ZNF75D: variants seen among roughly 807,000 people sequenced by gnomAD.
The protein encoded by ZNF75D is zinc finger protein 75.
A neutral mutation model predicts 33.3 loss-of-function variants in ZNF75D; 33 were observed. That is an observed-to-expected ratio of 0.99 (90% CI 0.75 to 1.32). ZNF75D has a LOEUF of 1.32. ZNF75D is among the 40% of genes most tolerant of loss of function. The pLI, the probability that ZNF75D is intolerant of heterozygous loss-of-function variation, is 0.00. For missense variants in ZNF75D, 338 were observed against 367.5 expected (o/e 0.92, Z 0.66); for synonymous variants, 113 against 130.6 (o/e 0.87, Z 0.92).
chrX:135,269,362 A>T (rs782414023), intron 1 of ZNF75D, among the ~76,000 whole-genome samples: 1 of 112,499 alleles, frequency 8.9e-6, no homozygotes, highest in Admixed American at 9.4e-5. Context: ...CTGGCAAAGG[A>T]TGAATTAACC....
intron 1 of ZNF75D, among the ~76,000 whole-genome samples, chrX:135,308,182 C>A (rs2084312144): frequency 8.9e-6 from 1 of 112,243 alleles, no homozygotes; most frequent in African/African-American, 3.2e-5. Flanking sequence ...AGACTGTTGG[C>A]ATTACGTTCT....
chrX:135,321,640 G>C (rs1055736545), intron 1 of ZNF75D, among the ~76,000 whole-genome samples: 1 of 112,153 alleles, frequency 8.9e-6, no homozygotes, highest in Non-Finnish European at 1.9e-5. Context: ...GTCAGATTTG[G>C]GGAATGAGAT....
At chrX:135,302,432 G>A (rs1187167734) in intron 1 of ZNF75D, among the ~76,000 whole-genome samples, 1 of 112,125 alleles carries the variant, frequency 8.9e-6, no homozygotes, top group African/African-American at 3.2e-5. Flanking sequence ...AGCTGCAATT[G>A]TTTCAATATT....
chrX:135,259,763 T>C (rs1489332443), intron 1 of ZNF75D, among the ~76,000 whole-genome samples: 2 of 111,970 alleles, frequency 1.8e-5, no homozygotes, highest in African/African-American at 6.5e-5. Context: ...ACTTCCTCAT[T>C]TCCTAATTGA....
intron 1 of ZNF75D, among the ~76,000 whole-genome samples, chrX:135,259,497 A>G (rs1323166956): frequency 9.0e-6 from 1 of 111,424 alleles, no homozygotes; most frequent in Non-Finnish European, 1.9e-5. Flanking sequence ...GTTCTCCTTG[A>G]AGAGGTCCTT....
At chrX:135,320,903 G>T (rs1222794918) in intron 1 of ZNF75D, among the ~76,000 whole-genome samples, 1 of 111,256 alleles carries the variant, frequency 9.0e-6, no homozygotes, top group African/African-American at 3.3e-5. Context: ...AGTTGCTACA[G>T]AGGAAAGAAA....
At chrX:135,325,911 G>A (rs2084565322) in intron 1 of ZNF75D, among the ~76,000 whole-genome samples, 1 of 112,952 alleles carries the variant, frequency 8.9e-6, no homozygotes, top group Non-Finnish European at 1.9e-5. Flanking sequence ...GAAACCAGCT[G>A]GGCTCCTGAG....
chrX:135,270,352 C>CATATATATATATATATAT (rs530211370), intron 1 of ZNF75D, among the ~76,000 whole-genome samples: 3 of 63,504 alleles, frequency 4.7e-5, no homozygotes, highest in Non-Finnish European at 6.2e-5. Context: ...CAAAATATCT[C>CATATATATATATATATAT]ATATATATAT....
At chrX:135,336,827 G>A (rs1488247589) in intron 1 of ZNF75D, among the ~76,000 whole-genome samples, 2 of 112,198 alleles carry the variant, frequency 1.8e-5, no homozygotes, top group Non-Finnish European at 3.8e-5. Flanking sequence ...CTTTGTTCGG[G>A]GATCCCTTGA....
In ZNF75D at chrX:135,342,718, G is replaced by T. The variant is rs1304592519; in HGVS notation, c.-1341C>A. On this transcript the variant is annotated 5_prime_UTR_variant, in exon 1 of 7. Coordinates refer to ENST00000370766, the MANE Select transcript of ZNF75D (RefSeq NM_007131.5). ...CCATCTCTGCAGAGGAGACCAGACT[G>T]CTGCCCCTAACCTAACAGCAGCTCA... The T allele has an allele frequency of 2.7e-5, 3 of 112,117 alleles. No homozygotes were observed. The highest frequency in any genetic ancestry group is 9.7e-5 in the African/African-American group (3 of 30,777). The allele number at this position is 112,117 out of a possible 1,213,427, so 9.2% of individuals were successfully genotyped here.
chrX:135,263,264 C>G (rs1318772485), intron 1 of ZNF75D, among the ~76,000 whole-genome samples: 1 of 113,026 alleles, frequency 8.8e-6, no homozygotes, highest in Non-Finnish European at 1.9e-5. Context: ...TTGGGCTACA[C>G]AGGGGTCAGC....
chrX:135,289,121 A>G (rs1442787229), intron 6 of ZNF75D, among the ~76,000 whole-genome samples: 1 of 112,312 alleles, frequency 8.9e-6, no homozygotes, highest in Non-Finnish European at 1.9e-5. Context: ...TTATGTTACC[A>G]TGGTGGATTT....
chrX:135,310,972 ACTC>A (rs1488301363), intron 1 of ZNF75D, among the ~76,000 whole-genome samples: 1 of 110,039 alleles, frequency 9.1e-6, no homozygotes, highest in Non-Finnish European at 1.9e-5. Flanking sequence ...CTGCCTGGAT[ACTC>A]CTCTGTTGGT....
chrX:135,321,781 T>C (rs1212951209), intron 1 of ZNF75D, among the ~76,000 whole-genome samples: 1 of 111,461 alleles, frequency 9.0e-6, no homozygotes, highest in Non-Finnish European at 1.9e-5. Flanking sequence ...ATCAGGCTGG[T>C]GGGAAAAATT....
At chrX:135,262,793 T>G (rs1236996960) in intron 1 of ZNF75D, among the ~76,000 whole-genome samples, 3 of 112,525 alleles carry the variant, frequency 2.7e-5, no homozygotes, top group Non-Finnish European at 5.6e-5. Context: ...AGCCTACCTT[T>G]GTCAACTCAT....
downstream of ZNF75D, among the ~76,000 whole-genome samples, chrX:135,285,312 G>A (rs782371274): frequency 3.9e-4 from 44 of 111,853 alleles, no homozygotes; most frequent in Non-Finnish European, 6.6e-4. Context: ...CTCAAGTTGA[G>A]GGTTTGTAGT....
rs969010615 is a variant in ZNF75D, at chrX:135,275,893, C to T, written n.828-20116G>A. On this transcript the variant is annotated intron_variant and non_coding_transcript_variant, in intron 1 of 3. Coordinates refer to the ZNF75D transcript ENST00000494295. ...ACTTTAAATGTGTTGAGTATACTTT[C>T]GTAAACAGAATTTGAGTCATATTTC... Among the ~76,000 whole-genome samples the T allele has an allele frequency of 3.6e-5, 4 of 111,399 alleles. No homozygotes were observed. The Admixed American group carries it at 3.9e-4, about 11-fold the overall frequency.
At chrX:135,265,479 G>C (rs781930238) in intron 1 of ZNF75D, among the ~76,000 whole-genome samples, 1 of 111,342 alleles carries the variant, frequency 9.0e-6, no homozygotes, top group Non-Finnish European at 1.9e-5. Context: ...AACAAATAAC[G>C]TACAATGGAG....
chrX:135,305,147 C>G (rs1208756978), intron 1 of ZNF75D, among the ~76,000 whole-genome samples: 2 of 111,586 alleles, frequency 1.8e-5, no homozygotes, highest in Non-Finnish European at 3.8e-5. Flanking sequence ...TGGGAATTAG[C>G]TCAAATTGCC....
Sources: allele counts gnomAD v4.1 joint callset (sites outside exome capture counted in the v4.1 genomes callset), GRCh38; gene constraint gnomAD v4.1.1; transcripts MANE v1.5; gene names NCBI Gene and HGNC (gene_info 2026-07-23, HGNC 2026-07-21).